AGBL1: variants seen among roughly 807,000 people sequenced by gnomAD.
AGBL1 encodes cytosolic carboxypeptidase 4.
A neutral mutation model predicts 118.9 loss-of-function variants in AGBL1; 130 were observed. The observed-to-expected ratio is 1.09, with a 90% confidence interval of 0.95 to 1.26. The LOEUF is 1.26. AGBL1 is among the 50% of genes most tolerant of loss of function. AGBL1 has a pLI of 0.00. For missense variants in AGBL1, 1,584 were observed against 1,298.1 expected, an observed-to-expected ratio of 1.22 and a Z score of -3.38; for synonymous variants, 555 against 478.9, an observed-to-expected ratio of 1.16 and a Z score of -2.08.
At chr15:86,572,285 C>T (rs1034356245) in intron 21 of AGBL1, among the ~76,000 whole-genome samples, 1 of 152,178 alleles carries the variant, frequency 6.6e-6, no homozygotes, top group Non-Finnish European at 1.5e-5. Flanking sequence ...TCCCGCTCTG[C>T]CAAATCAGAA....
intron 22 of AGBL1, among the ~76,000 whole-genome samples, chr15:86,833,249 G>A (rs1357457240): frequency 6.6e-6 from 1 of 152,078 alleles, no homozygotes; most frequent in Non-Finnish European, 1.5e-5. Context: ...TTGGGCACAT[G>A]CCCATGAGAT....
intron 22 of AGBL1, among the ~76,000 whole-genome samples, chr15:86,801,987 G>T (rs181892920): frequency 9.2e-5 from 14 of 152,214 alleles, no homozygotes; most frequent in African/African-American, 3.4e-4. Context: ...TACTTGGGAA[G>T]AATTAAACTT....
intron 1 of AGBL1, among the ~76,000 whole-genome samples, chr15:86,101,307 C>T (rs190371966): frequency 1.6e-4 from 24 of 151,974 alleles, no homozygotes; most frequent in Admixed American, 7.9e-4. Context: ...GGTTCATGTG[C>T]CAATGAGAAG....
intron 21 of AGBL1, among the ~76,000 whole-genome samples, chr15:86,595,666 A>G (rs757791134): frequency 6.6e-6 from 1 of 151,986 alleles, no homozygotes. Flanking sequence ...CTTCTTTCCC[A>G]CTGCACAGAT....
Position 87,018,538 on chromosome 15 carries a change from A to T in AGBL1, c.3324-10287A>T, listed in dbSNP as rs375794460. Among the ~76,000 whole-genome samples the T allele has an allele frequency of 1.1e-4, 16 of 152,218 alleles. No individual in the cohort carries two copies. The East Asian group carries it at 1.9e-3, about 18-fold the overall frequency. On this transcript the variant is annotated intron_variant, in intron 24 of 24. Coordinates refer to the AGBL1 transcript ENST00000441037. ...GCTTCATAAGAAAAGGAGATATAAG[A>T]TCTTCTTTGGACAAGCAAATGCTGG...
At chr15:86,447,188 G>A (rs766702786) in intron 18 of AGBL1, among the ~76,000 whole-genome samples, 107 of 151,976 alleles carry the variant, frequency 7.0e-4, no homozygotes, top group Non-Finnish European at 7.6e-4. Context: ...TTTAATTTCC[G>A]CCTCTTCTCC....
At chr15:86,702,073 A>G (rs1407304594) in intron 22 of AGBL1, among the ~76,000 whole-genome samples, 2 of 151,800 alleles carry the variant, frequency 1.3e-5, no homozygotes, top group Non-Finnish European at 2.9e-5. Flanking sequence ...ATCTACTACA[A>G]CAAATTATCA....
chr15:86,293,728 T>G (rs1260746415), intron 16 of AGBL1, among the ~76,000 whole-genome samples: 1 of 152,198 alleles, frequency 6.6e-6, no homozygotes, highest in Admixed American at 6.6e-5. Flanking sequence ...CTCTACCTTT[T>G]GAAGACACTA....
intron 20 of AGBL1, among the ~76,000 whole-genome samples, chr15:86,553,388 T>C (rs970777014): frequency 6.6e-6 from 1 of 152,066 alleles, no homozygotes; most frequent in Admixed American, 6.6e-5. Context: ...GCCTTCTAAA[T>C]GGAGATTAAG....
intron 22 of AGBL1, among the ~76,000 whole-genome samples, chr15:86,709,992 G>A (rs1247961879): frequency 6.6e-6 from 1 of 152,154 alleles, no homozygotes; most frequent in Non-Finnish European, 1.5e-5. Context: ...CTGCTTCAAA[G>A]ATGAGCAATA....
At chr15:86,504,420 T>C (rs989407785) in intron 18 of AGBL1, among the ~76,000 whole-genome samples, 2 of 151,582 alleles carry the variant, frequency 1.3e-5, no homozygotes, top group African/African-American at 2.4e-5. Flanking sequence ...TAATTACTGA[T>C]TTTAAAAAAG....
intron 18 of AGBL1, among the ~76,000 whole-genome samples, chr15:86,468,322 C>G (rs755706479): frequency 6.6e-6 from 1 of 152,126 alleles, no homozygotes; most frequent in Non-Finnish European, 1.5e-5. Flanking sequence ...ATCTAGAAAC[C>G]CTGTCCATCG....
intron 22 of AGBL1, among the ~76,000 whole-genome samples, chr15:86,774,330 T>C (rs1336352600): frequency 6.6e-6 from 1 of 152,146 alleles, no homozygotes; most frequent in Non-Finnish European, 1.5e-5. Flanking sequence ...AGTGGATGAT[T>C]TCAAATAAGA....
At chr15:86,324,806 A>G (rs999744264) in intron 17 of AGBL1, among the ~76,000 whole-genome samples, 5 of 152,094 alleles carry the variant, frequency 3.3e-5, no homozygotes, top group Non-Finnish European at 7.4e-5. Flanking sequence ...CAACCACAAG[A>G]GTTTGCCATT....
intron 22 of AGBL1, among the ~76,000 whole-genome samples, chr15:86,715,006 A>T: frequency 6.6e-6 from 1 of 152,182 alleles, no homozygotes; most frequent in Admixed American, 6.5e-5. Flanking sequence ...GATCTTCCGT[A>T]TGACCTTCCT....
intron 21 of AGBL1, among the ~76,000 whole-genome samples, chr15:86,633,856 A>G (rs2085029160): frequency 2.7e-5 from 1 of 37,678 alleles, no homozygotes; most frequent in African/African-American, 1.7e-4. Context: ...ATGTATATAT[A>G]TATATAATGT....
Position 86,866,436 on chromosome 15 carries a change from G to A in AGBL1, c.3159-40651G>A, listed in dbSNP as rs570679860. On this transcript the variant is annotated intron_variant, in intron 22 of 22. Coordinates refer to ENST00000614907, the MANE Select transcript of AGBL1 (RefSeq NM_001386094.1). ...GTTTCTGTGACAAAACCAGGTTGGG[G>A]GAATGATGGTTAATACAACAGTCAT... 3.9e-5 allele frequency among the ~76,000 whole-genome samples: 6 copies of A among 152,262 alleles called. No homozygotes were observed. The South Asian group carries it at 1.2e-3, about 32-fold the overall frequency.
At chr15:86,715,188 T>A (rs1425043849) in intron 22 of AGBL1, among the ~76,000 whole-genome samples, 1 of 152,166 alleles carries the variant, frequency 6.6e-6, no homozygotes, top group Admixed American at 6.5e-5. Context: ...TTCTGCTAGG[T>A]CTGAAGTCAG....
At chr15:86,789,956 T>C (rs2078468114) in intron 22 of AGBL1, among the ~76,000 whole-genome samples, 3 of 152,192 alleles carry the variant, frequency 2.0e-5, no homozygotes. Context: ...CAGTAACATA[T>C]ACACTGTCAT....
Sources: allele counts gnomAD v4.1 joint callset (sites outside exome capture counted in the v4.1 genomes callset), GRCh38; gene constraint gnomAD v4.1.1; transcripts MANE v1.5; gene names NCBI Gene and HGNC (gene_info 2026-07-23, HGNC 2026-07-21).